Variants in OPHN1 observed in about 807,000 individuals in gnomAD.
OPHN1 encodes the protein oligophrenin-1.
A neutral mutation model predicts 60.7 loss-of-function variants in OPHN1; 11 were observed. That is an observed-to-expected ratio of 0.18 (90% CI 0.11 to 0.30). OPHN1 has a LOEUF of 0.30. Among genes scored for constraint, OPHN1 ranks in the 10% least tolerant of loss-of-function variants. The pLI is 1.00. For synonymous variants in OPHN1, 226 were observed against 222.6 expected, an observed-to-expected ratio of 1.02 and a Z score of -0.14; for missense variants, 449 against 611.0, an observed-to-expected ratio of 0.73 and a Z score of 2.80.
intron 2 of OPHN1, among the ~76,000 whole-genome samples, chrX:68,331,730 C>CAAAA (rs1158512927): frequency 5.1e-5 from 2 of 39,342 alleles, no homozygotes; most frequent in Non-Finnish European, 5.0e-5. Context: ...GACTCTGTAT[C>CAAAA]AAAAAAAAAA....
intron 2 of OPHN1, among the ~76,000 whole-genome samples, chrX:68,378,750 T>C (rs1272521009): frequency 1.8e-5 from 2 of 111,290 alleles, no homozygotes; most frequent in African/African-American, 6.5e-5. Context: ...TGTAGATATG[T>C]GGCGTTATTT....
At chrX:68,202,916 T>C (rs780343253) in intron 10 of OPHN1, among the ~76,000 whole-genome samples, 2 of 111,783 alleles carry the variant, frequency 1.8e-5, no homozygotes, top group African/African-American at 3.2e-5. Flanking sequence ...AGCAACACAC[T>C]AGAAAGTTTA....
intron 2 of OPHN1, among the ~76,000 whole-genome samples, chrX:68,317,402 A>AGGAG (rs2078208657): frequency 1.1e-5 from 1 of 93,491 alleles, no homozygotes; most frequent in Non-Finnish European, 2.1e-5. Context: ...GAAGGAAGGA[A>AGGAG]GGAAGGAAGG....
rs1287528946 is a variant in OPHN1, at chrX:68,264,480, T to G, written c.384+10258A>C. 2.7e-5 allele frequency among the ~76,000 whole-genome samples: 3 copies of G among 112,179 alleles called. No individual in the cohort carries two copies. In the South Asian group the frequency reaches 1.1e-3, roughly 42 times the overall value. Reference sequence around the variant, plus strand: ...CAGACACTTCTCAAGAGAAGACATTTATGCAGCCAAAAGACACATGAAAAA... The same window carrying G: ...CAGACACTTCTCAAGAGAAGACATTGATGCAGCCAAAAGACACATGAAAAA... On this transcript the variant is annotated intron_variant, in intron 5 of 24. Coordinates refer to ENST00000355520, the MANE Select transcript of OPHN1 (RefSeq NM_002547.3).
chrX:68,401,626 A>T (rs1168090306), intron 2 of OPHN1, among the ~76,000 whole-genome samples: 1 of 112,182 alleles, frequency 8.9e-6, no homozygotes, highest in East Asian at 2.8e-4. Flanking sequence ...TACAAACATC[A>T]GGAGATGTAG....
chrX:68,240,438 C>A (rs990332849), intron 5 of OPHN1, among the ~76,000 whole-genome samples: 1 of 111,150 alleles, frequency 9.0e-6, no homozygotes, highest in Non-Finnish European at 1.9e-5. Flanking sequence ...ATTTCAATAT[C>A]TTTAATATAT....
At chrX:68,207,542 C>T (rs2077565105) in intron 9 of OPHN1, among the ~76,000 whole-genome samples, 2 of 111,278 alleles carry the variant, frequency 1.8e-5, no homozygotes, top group African/African-American at 6.5e-5. Context: ...CTATTGTCCC[C>T]ATCTCTGATC....
intron 2 of OPHN1, among the ~76,000 whole-genome samples, chrX:68,430,125 A>G (rs1203091271): frequency 1.8e-5 from 2 of 111,488 alleles, no homozygotes; most frequent in African/African-American, 3.3e-5. Flanking sequence ...CTCCGATTCC[A>G]GTGTTCCTTT....
intron 2 of OPHN1, among the ~76,000 whole-genome samples, chrX:68,355,975 G>C (rs765600443): frequency 6.3e-5 from 7 of 110,512 alleles, no homozygotes; most frequent in African/African-American, 2.3e-4. Context: ...GCTTGAACCC[G>C]GGTGGTGGAG....
At chrX:68,387,698 T>G (rs1392486125) in intron 2 of OPHN1, among the ~76,000 whole-genome samples, 1 of 112,015 alleles carries the variant, frequency 8.9e-6, no homozygotes, top group East Asian at 2.8e-4. Context: ...AGTGCACACT[T>G]ACCTGACATA....
intron 2 of OPHN1, among the ~76,000 whole-genome samples, chrX:68,399,708 AAAC>A (rs2078703431): frequency 2.0e-5 from 2 of 98,328 alleles, no homozygotes; most frequent in Non-Finnish European, 4.2e-5. Flanking sequence ...TAAATAAATA[AAAC>A]CCTCTGAGGG....
chrX:68,240,180 C>T (rs1017435152), intron 5 of OPHN1, among the ~76,000 whole-genome samples: 1 of 112,317 alleles, frequency 8.9e-6, no homozygotes, highest in Non-Finnish European at 1.9e-5. Context: ...AAATGGGTAT[C>T]TTTCTCTTGT....
At chrX:68,047,386 C>G (rs1268781534) in intron 24 of OPHN1, among the ~76,000 whole-genome samples, 2 of 111,533 alleles carry the variant, frequency 1.8e-5, no homozygotes, top group Non-Finnish European at 3.8e-5. Flanking sequence ...CCTTTGACCT[C>G]AACTCAAACT....
At chrX:68,134,464 G>A (rs1273110892) in intron 15 of OPHN1, among the ~76,000 whole-genome samples, 1 of 111,678 alleles carries the variant, frequency 9.0e-6, no homozygotes, top group East Asian at 2.8e-4. Context: ...AACTGGAGAT[G>A]GGCCATTGAC....
At chrX:68,364,144 A>C (rs1453887282) in intron 2 of OPHN1, among the ~76,000 whole-genome samples, 1 of 111,741 alleles carries the variant, frequency 8.9e-6, no homozygotes, top group Non-Finnish European at 1.9e-5. Context: ...CCACAAGAAC[A>C]GCCTGTCTTG....
intron 21 of OPHN1, among the ~76,000 whole-genome samples, chrX:68,058,577 T>C (rs1350555604): frequency 2.7e-5 from 3 of 111,453 alleles, no homozygotes; most frequent in Non-Finnish European, 5.6e-5. Context: ...CTGAACTCTT[T>C]TATGCCATCT....
At chrX:68,286,279 C>T (rs752562017) in intron 3 of OPHN1, among the ~76,000 whole-genome samples, 1 of 111,646 alleles carries the variant, frequency 9.0e-6, no homozygotes, top group East Asian at 2.8e-4. Context: ...GGTCAGTAAG[C>T]TTACTGGTCA....
chrX:68,153,968 T>C (rs1014300066), intron 15 of OPHN1, among the ~76,000 whole-genome samples: 9 of 111,990 alleles, frequency 8.0e-5, no homozygotes, highest in African/African-American at 2.6e-4. Context: ...ATCTTTGATT[T>C]TCATTCCATA....
chrX:68,266,416 T>C (rs1221537807), intron 5 of OPHN1, among the ~76,000 whole-genome samples: 1 of 111,140 alleles, frequency 9.0e-6, no homozygotes, highest in Non-Finnish European at 1.9e-5. Context: ...GAATTTCATA[T>C]CCAGCCAAAC....
Sources: allele counts gnomAD v4.1 joint callset (sites outside exome capture counted in the v4.1 genomes callset), GRCh38; gene constraint gnomAD v4.1.1; transcripts MANE v1.5; gene names NCBI Gene and HGNC (gene_info 2026-07-23, HGNC 2026-07-21).